Variants in DOCK8 observed in about 807,000 individuals in gnomAD.
The protein encoded by DOCK8 is dedicator of cytokinesis protein 8.
DOCK8 carries 141 observed loss-of-function variants against 245.6 expected under a neutral mutation model. That is an observed-to-expected ratio of 0.57 (90% CI 0.50 to 0.66). DOCK8 has a LOEUF of 0.66. DOCK8 is among the 30% of genes least tolerant of loss of function. The pLI, the probability that DOCK8 is intolerant of heterozygous loss-of-function variation, is 0.00. For synonymous variants in DOCK8, 1,168 were observed against 970.2 expected (o/e 1.20, Z -3.79); for missense variants, 2,965 against 2,603.4 (o/e 1.14, Z -3.02).
In DOCK8 at chr9:328,174, A is replaced by G. The variant is rs1390664272; in HGVS notation, c.1044+3A>G. 4 of 1,613,084 alleles carry G rather than the reference A, an allele frequency of 2.5e-6. No individual in the cohort carries two copies. The highest frequency in any genetic ancestry group is 2.2e-5 in the South Asian group (2 of 90,968). On this transcript the variant is annotated splice_donor_region_variant and intron_variant, in intron 9 of 47. Coordinates refer to ENST00000432829, the MANE Select transcript of DOCK8 (RefSeq NM_203447.4). Reference sequence around the variant, plus strand: ...CAGACATCTACCTGGTAGTCAAGGTAATTCAGTACGATCTGATTTGCCCAA... The same window carrying G: ...CAGACATCTACCTGGTAGTCAAGGTGATTCAGTACGATCTGATTTGCCCAA...
At chr9:356,529 CAAAAAAAAAAA>C (rs71482278) in intron 14 of DOCK8, among the ~76,000 whole-genome samples, 1 of 130,146 alleles carries the variant, frequency 7.7e-6, no homozygotes, top group African/African-American at 2.9e-5. Flanking sequence ...GACTCTGTCT[CAAAAAAAAAAA>C]AAAAAGAAAA....
Position 377,070 on chromosome 9 carries a change from A to G in DOCK8, c.2299A>G (p.Met767Val), listed in dbSNP as rs1563982969. 3 of 1,613,390 alleles carry G rather than the reference A, an allele frequency of 1.9e-6. No homozygotes were observed. Among genetic ancestry groups the G allele is most frequent in the Non-Finnish European group, 1.7e-6 (2 of 1,179,994 alleles). ...CGTGCTGGATCAGAAAATCAGCGAGATGGCGCTGGAGCATGAGCTGAAGCT... is the reference window on the plus strand; with the variant it reads ...CGTGCTGGATCAGAAAATCAGCGAGGTGGCGCTGGAGCATGAGCTGAAGCT... ...IRVLDQKISEMALEHELKLSI... is the reference protein window; with the variant it reads ...IRVLDQKISEVALEHELKLSI... The change falls in exon 20 of 48, where the codon ATG becomes GTG. Residue 767 changes from methionine (M) to valine (V), a missense_variant. Physicochemically the swap from Met to Val is conservative, Grantham distance 21. Transcript: ENST00000432829.
intron 9 of DOCK8, among the ~76,000 whole-genome samples, chr9:331,597 A>G (rs545783521): frequency 4.5e-4 from 69 of 152,324 alleles, no homozygotes; most frequent in African/African-American, 1.6e-3. Flanking sequence ...TTACTCTTCA[A>G]CATCTAAGTT....
intron 1 of DOCK8, among the ~76,000 whole-genome samples, chr9:243,168 A>G (rs1303390228): frequency 6.6e-6 from 1 of 152,186 alleles, no homozygotes. Flanking sequence ...TAATCAACTC[A>G]GTGGTATAAA....
At position 418,155 on chromosome 9, in the gene DOCK8, T is replaced by C. The variant is rs753537447; in HGVS notation, c.3788T>C (p.Ile1263Thr). The C allele has an allele frequency of 2.5e-6, 4 of 1,614,228 alleles. No homozygotes were observed. The South Asian group carries it at 4.4e-5, about 18-fold the overall frequency. ...ATTAACCAGAATGTGGCTCTGGCCA[T>C]AGCAGGGAATAATTTCAATTTGAAA... ...GAINQNVALA[I>T]AGNNFNLKTS... Residue 1263 changes from isoleucine (I) to threonine (T), a missense_variant, in exon 30 of 48, where the codon ATA becomes ACA. Physicochemically the swap from Ile to Thr is moderately conservative, Grantham distance 89. Coordinates refer to ENST00000432829, the MANE Select transcript of DOCK8 (RefSeq NM_203447.4).
intron 33 of DOCK8, among the ~76,000 whole-genome samples, chr9:423,274 T>A (rs541569507): frequency 6.6e-6 from 1 of 152,216 alleles, no homozygotes; most frequent in Admixed American, 6.5e-5. Context: ...CGTGTATTGC[T>A]ATATATGCAA....
intron 1 of DOCK8, among the ~76,000 whole-genome samples, chr9:261,571 G>T (rs1464550036): frequency 6.6e-6 from 1 of 152,170 alleles, no homozygotes; most frequent in African/African-American, 2.4e-5. Flanking sequence ...CAAGAAGAAT[G>T]TGTACTCTGA....
At chr9:373,023 C>T (rs1263741625) in intron 18 of DOCK8, among the ~76,000 whole-genome samples, 5 of 151,882 alleles carry the variant, frequency 3.3e-5, no homozygotes, top group East Asian at 1.9e-4. Context: ...AAAAATTAGC[C>T]GGGCGTGGTG....
chr9:343,542 T>A (rs1189895300), intron 14 of DOCK8, among the ~76,000 whole-genome samples: 2 of 152,116 alleles, frequency 1.3e-5, no homozygotes, highest in African/African-American at 4.8e-5. Context: ...AAACAGCTAT[T>A]CACACAGGAA....
chr9:259,676 C>T (rs2047869134), intron 1 of DOCK8, among the ~76,000 whole-genome samples: 1 of 152,220 alleles, frequency 6.6e-6, no homozygotes, highest in Admixed American at 6.5e-5. Context: ...TCTGTTTTCA[C>T]ACACAAAAAA....
At chr9:268,767 A>G (rs922377900) in intron 1 of DOCK8, among the ~76,000 whole-genome samples, 1 of 152,226 alleles carries the variant, frequency 6.6e-6, no homozygotes, top group African/African-American at 2.4e-5. Flanking sequence ...TTGGCCCTCC[A>G]TGGCTTATGA....
rs1563844740 is a variant in DOCK8, at chr9:255,668, C to CGAAAAAAAAAAA, written c.54-15959_54-15958insGAAAAAAAAAAA. On this transcript the variant is annotated intron_variant, in intron 1 of 47. Coordinates refer to ENST00000432829, the MANE Select transcript of DOCK8 (RefSeq NM_203447.4). ...GGGGGATAGAGCAAGACTCCATCTC[C>CGAAAAAAAAAAA]AAAAAAAAAAAAAAAAAAAAAAAAA... Among the ~76,000 whole-genome samples, 2 of 23,504 alleles carry CGAAAAAAAAAAA rather than the reference C, an allele frequency of 8.5e-5. 1 individual carries two copies. The allele number at this position is 23,504 out of a possible 152,430, so 15.4% of individuals were successfully genotyped here.
At chr9:287,470 A>G (rs1437517157) in intron 3 of DOCK8, among the ~76,000 whole-genome samples, 4 of 152,218 alleles carry the variant, frequency 2.6e-5, no homozygotes, top group Non-Finnish European at 4.4e-5. Context: ...CATCTTCCCC[A>G]GAAGGTCCCA....
intron 33 of DOCK8, among the ~76,000 whole-genome samples, chr9:424,175 T>G (rs1690953197): frequency 6.6e-6 from 1 of 152,118 alleles, no homozygotes; most frequent in African/African-American, 2.4e-5. Context: ...TCTGATCATT[T>G]TTCGATTATT....
chr9:368,154 A>G lies in DOCK8; in HGVS notation c.1797+19A>G. On this transcript the variant is annotated intron_variant, in intron 15 of 47. Transcript: ENST00000432829. ...GATGCCGGTAAGGAGGGAAACGAAC[A>G]TTTGCCTCAAATCAGGGTGGGCTGC... 1 of 1,599,234 alleles carries G rather than the reference A, an allele frequency of 6.3e-7. No homozygotes were observed. The highest frequency in any genetic ancestry group is 8.6e-7 in the Non-Finnish European group (1 of 1,166,300).
chr9:226,143 G>A (rs190983451), intron 1 of DOCK8, among the ~76,000 whole-genome samples: 1 of 152,308 alleles, frequency 6.6e-6, no homozygotes, highest in East Asian at 1.9e-4. Flanking sequence ...CCACATGGCT[G>A]GGGAGGCCTC....
intron 1 of DOCK8, among the ~76,000 whole-genome samples, chr9:224,399 C>G (rs776702801): frequency 6.6e-6 from 1 of 152,072 alleles, no homozygotes; most frequent in Non-Finnish European, 1.5e-5. Flanking sequence ...CTTGGAGACT[C>G]AATTAAGGAG....
chr9:377,413 G>A (rs372728618), intron 20 of DOCK8, among the ~76,000 whole-genome samples: 1 of 152,140 alleles, frequency 6.6e-6, no homozygotes, highest in Non-Finnish European at 1.5e-5. Context: ...CATTAAAATA[G>A]GGTTCTTAAT....
chr9:355,182 TG>T (rs1354300626), intron 14 of DOCK8, among the ~76,000 whole-genome samples: 2 of 45,554 alleles, frequency 4.4e-5, no homozygotes, highest in African/African-American at 7.3e-5. Context: ...GGTGTATTTC[TG>T]TTTCTTTTCT....
Sources: gnomAD v4.1 joint callset for allele counts (sites outside exome capture counted in the v4.1 genomes callset) on GRCh38, gnomAD v4.1.1 for gene constraint, MANE v1.5 for transcripts, NCBI Gene and HGNC (gene_info 2026-07-23, HGNC 2026-07-21) for gene names.